The following FER1L5 variants were observed in gnomAD, a reference collection of about 807,000 sequenced individuals.
The protein encoded by FER1L5 is fer-1 like family member 5.
Under a neutral mutation model 279.9 loss-of-function variants are expected in FER1L5, and 187 were observed. That is an observed-to-expected ratio of 0.67 (90% CI 0.59 to 0.75). FER1L5 has a LOEUF of 0.75. FER1L5 is among the 30% of genes least tolerant of loss of function. The pLI is 0.00. For synonymous variants in FER1L5, 921 were observed against 989.7 expected (o/e 0.93, Z 1.30); for missense variants, 2,091 against 2,594.4 (o/e 0.81, Z 4.21).
chr2:96,667,954 G>A (rs937189786), intron 14 of FER1L5, among the ~76,000 whole-genome samples: 2 of 152,016 alleles, frequency 1.3e-5, no homozygotes, highest in Non-Finnish European at 2.9e-5. Flanking sequence ...TCAACCTCAC[G>A]GGCTCAAGCA....
chr2:96,687,579 C>T, intron 23 of FER1L5: 1 of 559,920 alleles, frequency 1.8e-6, no homozygotes, highest in East Asian at 3.1e-5. Context: ...CCCTGCTACT[C>T]CCTCTGTGAG....
At position 96,685,843 on chromosome 2, in the gene FER1L5, A is replaced by G. The variant is rs2076903238; in HGVS notation, c.1896-97A>G. On this transcript the variant is annotated intron_variant, in intron 21 of 52. Coordinates refer to ENST00000624922, the MANE Select transcript of FER1L5 (RefSeq NM_001293083.2). The stretch of plus-strand genomic sequence containing the variant: ...AGCAGCAGATGGGGGCAGGATCTTG[A>G]GGCCAGGAGGGGCACGCTGGCCTAA... 5.0e-6 allele frequency: 7 copies of G among 1,403,258 alleles called. No individual in the cohort carries two copies. The East Asian group carries it at 1.5e-4, about 30-fold the overall frequency. 86.9% of individuals were successfully genotyped at this position (1,403,258 alleles called of 1,614,324 possible).
At chr2:96,676,339 G>A (rs1007236894) in intron 19 of FER1L5, among the ~76,000 whole-genome samples, 1 of 152,066 alleles carries the variant, frequency 6.6e-6, no homozygotes, top group African/African-American at 2.4e-5. Flanking sequence ...GCCTAATTTT[G>A]TATTTTTAGT....
chr2:96,659,342 C>CTTCT (rs2075764434), intron 9 of FER1L5, among the ~76,000 whole-genome samples: 2 of 80,918 alleles, frequency 2.5e-5, no homozygotes, highest in South Asian at 8.5e-4. Context: ...TCCTTCCTTC[C>CTTCT]TTCCTTCCTT....
In FER1L5 at chr2:96,691,169, G is replaced by T; in HGVS notation, c.2744-21G>T. ...CCTGCGGGCACCTGAGGACTCAGAG[G>T]CCATGGTCCACCCACCGCAGGCTGG... On this transcript the variant is annotated intron_variant, in intron 27 of 52. Transcript: ENST00000624922. The surrounding 1 kb of genome is among the most constrained non-coding windows in gnomAD (Gnocchi z 6.0). The T allele has an allele frequency of 6.5e-7, 1 of 1,537,944 alleles. No individual in the cohort carries two copies. The highest frequency in any genetic ancestry group is 8.8e-7 in the Non-Finnish European group (1 of 1,139,352).
At chr2:96,651,526 G>T (rs1292530270) in intron 6 of FER1L5, among the ~76,000 whole-genome samples, 3 of 140,112 alleles carry the variant, frequency 2.1e-5, no homozygotes, top group East Asian at 2.4e-4. Flanking sequence ...TTTTGAGATG[G>T]AGTCTTGCTC....
At chr2:96,696,176 GC>G in intron 37 of FER1L5, 99 bp downstream of exon 37, 2 of 1,513,030 alleles carry the variant, frequency 1.3e-6, no homozygotes, top group Non-Finnish European at 1.8e-6. Flanking sequence ...GGATACCCGT[GC>G]CCAACTGTGA....
chr2:96,664,655 C>T (rs2076066952), intron 14 of FER1L5, among the ~76,000 whole-genome samples: 1 of 152,126 alleles, frequency 6.6e-6, no homozygotes, highest in Non-Finnish European at 1.5e-5. Context: ...GTGTACAACC[C>T]TTAGCATAGA....
chr2:96,702,200 C>A lies in FER1L5; in HGVS notation c.5160-106C>A. ...GAGCTTTCTTCCCCTGAATTCCCCA[C>A]ACTGAGCAAAAACACACAGGGCAGC... On this transcript the variant is annotated intron_variant, in intron 46 of 52. Transcript: ENST00000624922. The surrounding 1 kb of genome is among the most constrained non-coding windows in gnomAD (Gnocchi z 4.0). 1 of 1,564,356 alleles carries A rather than the reference C, an allele frequency of 6.4e-7. No homozygotes were observed.
intron 44 of FER1L5, 64 bp downstream of exon 44, chr2:96,700,144 G>A (rs2077538008): frequency 1.3e-6 from 2 of 1,597,682 alleles, no homozygotes; most frequent in Admixed American, 1.7e-5. Flanking sequence ...TGAGGCTCCA[G>A]AATGGAAGAG....
At chr2:96,688,003 GTGGCCTCGTAGGGAAGAGA>G in intron 24 of FER1L5, 56 bp downstream of exon 24, 1 of 1,543,536 alleles carries the variant, frequency 6.5e-7, no homozygotes, top group South Asian at 1.2e-5. Context: ...TGGGGGTAGG[GTGGCCTCGTAGGGAAGAGA>G]TGGCCTCCCT....
chr2:96,694,386 C>T lies in FER1L5; in HGVS notation c.3663C>T (p.Ile1221=). 6.4e-7 allele frequency: 1 copy of T among 1,550,652 alleles called. No individual in the cohort carries two copies. Among genetic ancestry groups the T allele is most frequent in the Non-Finnish European group, 8.7e-7 (1 of 1,146,488 alleles). Residue 1221 remains isoleucine, a synonymous_variant, in exon 34 of 53, where the codon ATC becomes ATT. Coordinates refer to ENST00000624922, the MANE Select transcript of FER1L5 (RefSeq NM_001293083.2). This position sits in a 1 kb window ranked among gnomAD's most constrained non-coding sequence, Gnocchi z 4.6. ...TEKLGEKQLP[I]LSVPWKNGAY... Reference sequence around the variant, plus strand: ...AGCTTGGAGAGAAGCAGCTGCCTATCTTAAGCGTTCCCTGGAAGAATGGGG... The same window carrying T: ...AGCTTGGAGAGAAGCAGCTGCCTATTTTAAGCGTTCCCTGGAAGAATGGGG...
rs926218978 is a variant in FER1L5, at chr2:96,693,901, C to T, written c.3475-10C>T. 5.2e-6 allele frequency: 8 copies of T among 1,537,782 alleles called. No homozygotes were observed. The Middle Eastern group carries it at 8.8e-4, about 168-fold the overall frequency. On this transcript the variant is annotated splice_polypyrimidine_tract_variant and intron_variant, in intron 32 of 52. Transcript: ENST00000624922. ...ATGGCCTCCATGCTTTGTGAACTTCCCCCCTCCAGGGCAAGGAGAGCTTGT... is the reference window on the plus strand; with the variant it reads ...ATGGCCTCCATGCTTTGTGAACTTCTCCCCTCCAGGGCAAGGAGAGCTTGT...
Position 96,695,828 on chromosome 2 carries a change from C to T in FER1L5, c.3981C>T (p.Gly1327=), listed in dbSNP as rs1361305636. The stretch of plus-strand genomic sequence containing the variant: ...CCTTCGGCCAGCAGACCGTGACGGG[C>T]CAGGCCAACATCGACTTCCTCCAGC... The part of the protein sequence containing the change: ...NWAFGQQTVT[G]QANIDFLQPY... The change falls in exon 36 of 53, where the codon GGC becomes GGT. Residue 1327 remains glycine (G), a synonymous_variant. Coordinates refer to ENST00000624922, the MANE Select transcript of FER1L5 (RefSeq NM_001293083.2). 6.2e-7 allele frequency: 1 copy of T among 1,613,264 alleles called. No homozygotes were observed. Among genetic ancestry groups the T allele is most frequent in the Non-Finnish European group, 8.5e-7 (1 of 1,179,588 alleles).
At chr2:96,690,342 T>C in intron 26 of FER1L5, 145 bp from the exon 27 acceptor site, 5 of 670,036 alleles carry the variant, frequency 7.5e-6, no homozygotes, top group Non-Finnish European at 1.3e-5. Flanking sequence ...GCTCTGGTGG[T>C]ATGAGGTGTG....
chr2:96,647,385 G>A (rs1370203264), intron 3 of FER1L5, among the ~76,000 whole-genome samples: 1 of 152,162 alleles, frequency 6.6e-6, no homozygotes, highest in African/African-American at 2.4e-5. Context: ...CTGAAGCCAC[G>A]TATCTCAAAT....
chr2:96,686,133 A>G lies in FER1L5; in HGVS notation c.2073+16A>G, dbSNP rs1035813011. The G allele has an allele frequency of 6.5e-7, 1 of 1,548,328 alleles. No individual in the cohort carries two copies. Among genetic ancestry groups the G allele is most frequent in the South Asian group, 1.2e-5 (1 of 83,848 alleles). ...GCTCCCTGAGGTGGGTGCTGCACAC[A>G]CTGGCCTGCAGCAGGGCTGGGAGCC... On this transcript the variant is annotated intron_variant, in intron 22 of 52. Transcript: ENST00000624922.
intron 14 of FER1L5, among the ~76,000 whole-genome samples, chr2:96,666,948 G>A (rs2076147512): frequency 6.6e-6 from 1 of 152,050 alleles, no homozygotes; most frequent in African/African-American, 2.4e-5. Context: ...CACCGCATCT[G>A]GCCTCTTTTC....
chr2:96,689,289 T>C lies in FER1L5; in HGVS notation c.2438T>C (p.Met813Thr), dbSNP rs61732269. 0.016 allele frequency: 25,232 copies of C among 1,550,300 alleles called. 678 individuals are homozygous for C. The highest frequency in any genetic ancestry group is 0.12 in the Admixed American group (5,855 of 50,714). The change falls in exon 25 of 53, where the codon ATG (methionine) becomes ACG (threonine). Residue 813 changes from methionine (M) to threonine (T), a missense_variant. Coordinates refer to ENST00000624922, the MANE Select transcript of FER1L5 (RefSeq NM_001293083.2). This position sits in a 1 kb window ranked among gnomAD's most constrained non-coding sequence, Gnocchi z 4.6. ...LYHCPNFSDV[M>T]GNKTLPMTDF... is the part of the protein sequence containing the mutation. ...CACTGCCCCAACTTCTCGGATGTCA[T>C]GGGGAACAAGACCCTCCCCATGACG...
Sources: allele counts gnomAD v4.1 joint callset (sites outside exome capture counted in the v4.1 genomes callset), GRCh38; gene constraint gnomAD v4.1.1; non-coding constraint Gnocchi (gnomAD v3.1); transcripts MANE v1.5; gene names NCBI Gene and HGNC (gene_info 2026-07-23, HGNC 2026-07-21).